Variants in CHODL observed in about 807,000 individuals in gnomAD.
The protein encoded by CHODL is transmembrane protein MT75.
In CHODL, 29 loss-of-function variants were observed where a neutral mutation model predicts 34.5. The observed-to-expected ratio is 0.84, with a 90% CI of 0.63 to 1.15. CHODL has a LOEUF of 1.15. Ranked by LOEUF, CHODL falls within the 50% of genes most tolerant of loss-of-function variation. CHODL has a pLI of 0.00. For missense variants in CHODL, 332 were observed against 332.5 expected, an observed-to-expected ratio of 1.00 and a Z score of 0.01; for synonymous variants, 125 against 116.1, an observed-to-expected ratio of 1.08 and a Z score of -0.49.
At chr21:18,006,380 G>A (rs902576197) in intron 1 of CHODL, among the ~76,000 whole-genome samples, 2 of 151,394 alleles carry the variant, frequency 1.3e-5, no homozygotes, top group African/African-American at 4.8e-5. Flanking sequence ...AAAAAAAAAT[G>A]TAGCTCCTTT....
intron 2 of CHODL, among the ~76,000 whole-genome samples, chr21:18,220,505 G>A (rs1456399213): frequency 6.6e-6 from 1 of 151,932 alleles, no homozygotes; most frequent in Non-Finnish European, 1.5e-5. Flanking sequence ...TTCCAATGAT[G>A]TTTATACTTA....
chr21:17,999,977 C>G (rs923246763), intron 1 of CHODL, among the ~76,000 whole-genome samples: 3 of 152,080 alleles, frequency 2.0e-5, no homozygotes, highest in African/African-American at 7.2e-5. Context: ...TCTTCTTTCT[C>G]CATAGTAAAG....
chr21:18,186,281 C>T (rs9978579), intron 2 of CHODL, among the ~76,000 whole-genome samples: 3,217 of 151,940 alleles, frequency 0.021, 112 homozygotes, highest in African/African-American at 0.071. Context: ...CTGAAGTGAC[C>T]GCTGAGACCA....
chr21:18,066,943 C>T (rs1036538227), intron 2 of CHODL, among the ~76,000 whole-genome samples: 1 of 152,120 alleles, frequency 6.6e-6, no homozygotes, highest in Non-Finnish European at 1.5e-5. Context: ...GACCTGATGA[C>T]ACCTTGATCT....
chr21:18,022,118 A>G (rs113205152), intron 1 of CHODL, among the ~76,000 whole-genome samples: 2,375 of 152,280 alleles, frequency 0.016, 60 homozygotes, highest in Middle Eastern at 0.048. Flanking sequence ...ACAAATCATC[A>G]CAAACTTGAG....
intron 2 of CHODL, among the ~76,000 whole-genome samples, chr21:18,171,121 T>G (rs1010264520): frequency 2.7e-5 from 4 of 150,380 alleles, no homozygotes; most frequent in Non-Finnish European, 4.4e-5. Flanking sequence ...TTTGTTTTTT[T>G]TTTTAATTGA....
chr21:18,016,379 G>T (rs1356135919), intron 1 of CHODL, among the ~76,000 whole-genome samples: 1 of 152,204 alleles, frequency 6.6e-6, no homozygotes, highest in African/African-American at 2.4e-5. Flanking sequence ...TCCTGTGGGT[G>T]CGAAGAAGGC....
chr21:17,973,578 A>T (rs2063635754), intron 1 of CHODL, among the ~76,000 whole-genome samples: 2 of 145,224 alleles, frequency 1.4e-5, no homozygotes, highest in South Asian at 4.3e-4. Context: ...CACCATGCCC[A>T]GCTAATTTTT....
chr21:18,267,347 T>C lies in CHODL; in HGVS notation c.*1309T>C, dbSNP rs2074478366. The C allele has an allele frequency of 6.6e-6, 1 of 152,224 alleles. No homozygotes were observed. Among genetic ancestry groups the C allele is most frequent in the Non-Finnish European group, 1.5e-5 (1 of 68,026 alleles). 9.4% of individuals were successfully genotyped at this position (152,224 alleles called of 1,614,324 possible). On this transcript the variant is annotated 3_prime_UTR_variant, in exon 6 of 6. Transcript: ENST00000299295. ...TGTCCCTGTGCTCCTTTTAACCAAA[T>C]AAAGAGTTCTTGTTTCTGAAGAATG...
chr21:18,001,282 C>T (rs2824596), intron 1 of CHODL, among the ~76,000 whole-genome samples: 20,300 of 152,146 alleles, frequency 0.13, 1,538 homozygotes, highest in South Asian at 0.3. Flanking sequence ...TTAATGAGGG[C>T]GGAGTGTATG....
At chr21:18,140,821 C>T (rs1257169732) in intron 2 of CHODL, among the ~76,000 whole-genome samples, 2 of 152,026 alleles carry the variant, frequency 1.3e-5, no homozygotes, top group African/African-American at 4.8e-5. Flanking sequence ...TCTTGAAAAA[C>T]ACCCATCTGT....
At chr21:17,953,101 T>C (rs1243755308) in intron 1 of CHODL, among the ~76,000 whole-genome samples, 1 of 152,122 alleles carries the variant, frequency 6.6e-6, no homozygotes, top group Non-Finnish European at 1.5e-5. Flanking sequence ...AGCCAAAACA[T>C]ATCAAGCAAT....
intron 1 of CHODL, among the ~76,000 whole-genome samples, chr21:18,012,855 C>G (rs1310424472): frequency 6.6e-6 from 1 of 152,112 alleles, no homozygotes; most frequent in Admixed American, 6.5e-5. Flanking sequence ...GCTGGTGTAT[C>G]TGTTGTTTAA....
At chr21:18,085,281 T>G (rs1463308878) in intron 2 of CHODL, among the ~76,000 whole-genome samples, 1 of 152,138 alleles carries the variant, frequency 6.6e-6, no homozygotes, top group Non-Finnish European at 1.5e-5. Flanking sequence ...TCCATTTACA[T>G]TCAAGGTTAA....
chr21:18,120,458 C>A (rs2065466122), intron 2 of CHODL, among the ~76,000 whole-genome samples: 1 of 152,106 alleles, frequency 6.6e-6, no homozygotes, highest in Non-Finnish European at 1.5e-5. Context: ...AATCTGACCT[C>A]AGGCCTGTGA....
chr21:18,088,617 T>C (rs2065036360), intron 2 of CHODL, among the ~76,000 whole-genome samples: 1 of 152,212 alleles, frequency 6.6e-6, no homozygotes, highest in Admixed American at 6.5e-5. Flanking sequence ...TATCTGTCAA[T>C]TTCCAGATGG....
chr21:18,042,104 C>T (rs1198936399), intron 2 of CHODL, among the ~76,000 whole-genome samples: 1 of 151,664 alleles, frequency 6.6e-6, no homozygotes, highest in Non-Finnish European at 1.5e-5. Flanking sequence ...TCTTCAATAT[C>T]CCACTTAAAA....
In CHODL at chr21:17,956,208, G is replaced by C. The variant is rs1482519549; in HGVS notation, c.-145+38808G>C. The stretch of plus-strand genomic sequence containing the variant: ...CATGAATGATTTGGGTCATCTCCTT[G>C]ATGACAAGTGAACTCTTGCACTGAA... On this transcript the variant is annotated intron_variant, in intron 1 of 6. Coordinates refer to the CHODL transcript ENST00000400127. Among the ~76,000 whole-genome samples, 3 of 135,638 alleles carry C rather than the reference G, an allele frequency of 2.2e-5. 1 individual carries two copies. In the East Asian group the frequency reaches 6.7e-4, roughly 30 times the overall value. The allele number at this position is 135,638 out of a possible 152,430, so 89.0% of individuals were successfully genotyped here.
At chr21:18,091,706 C>T (rs569272074) in intron 2 of CHODL, among the ~76,000 whole-genome samples, 1 of 152,246 alleles carries the variant, frequency 6.6e-6, no homozygotes, top group South Asian at 2.1e-4. Context: ...CTGTCCTGGG[C>T]AAGAAAGGAG....
Sources: allele counts gnomAD v4.1 joint callset (sites outside exome capture counted in the v4.1 genomes callset), GRCh38; gene constraint gnomAD v4.1.1; transcripts MANE v1.5; gene names NCBI Gene and HGNC (gene_info 2026-07-23, HGNC 2026-07-21).